The following MAPK12 variants were observed in gnomAD, a reference collection of about 807,000 sequenced individuals.
MAPK12 encodes the protein mitogen-activated protein kinase 12, also known as MAP kinase 12.
MAPK12 carries 49 observed loss-of-function variants against 49.1 expected under a neutral mutation model. That is an observed-to-expected ratio of 1.00 (90% CI 0.79 to 1.27). The LOEUF is 1.27. Among genes scored for constraint, MAPK12 ranks in the 50% most tolerant of loss-of-function variants. MAPK12 has a pLI of 0.00. For synonymous variants in MAPK12, 251 were observed against 209.7 expected (o/e 1.20, Z -1.70); for missense variants, 554 against 502.4 (o/e 1.10, Z -0.98).
In MAPK12 at chr22:50,255,701, C is replaced by A. The variant is rs1012182941; in HGVS notation, c.692-7G>T. ...TCCTTCAGCTGGTCCAGGTCTGCAC[C>A]GAGGTCAGGAACACAGCTCGGGGGC... On this transcript the variant is annotated splice_region_variant and splice_polypyrimidine_tract_variant and intron_variant, in intron 8 of 11. Transcript: ENST00000215659. 6.2e-7 allele frequency: 1 copy of A among 1,609,806 alleles called. No individual in the cohort carries two copies. Among genetic ancestry groups the A allele is most frequent in the East Asian group, 2.2e-5 (1 of 44,882 alleles).
At chr22:50,258,207 C>A in intron 3 of MAPK12, 36 bp downstream of exon 3, 2 of 1,608,010 alleles carry the variant, frequency 1.2e-6, no homozygotes, top group Non-Finnish European at 1.7e-6. Context: ...GCCCAACACC[C>A]CTCGTGCCCA....
Position 50,256,654 on chromosome 22 carries a change from C to CAG in MAPK12, c.457-10_457-9dup. The CAG allele has an allele frequency of 1.2e-6, 2 of 1,609,248 alleles. No individual in the cohort carries two copies. The highest frequency in any genetic ancestry group is 1.7e-6 in the Non-Finnish European group (2 of 1,177,852). The stretch of plus-strand genomic sequence containing the variant: ...GTTGCCGGGCTTCAGGTCCTGGGGG[C>CAG]AGAGGAAAGGTGGCCACTGTGCCCC... On this transcript the variant is annotated splice_polypyrimidine_tract_variant and intron_variant, in intron 5 of 11. Transcript: ENST00000215659.
intron 3 of MAPK12, chr22:50,257,664 G>A (rs2065164146): frequency 1.7e-6 from 1 of 589,816 alleles, no homozygotes; most frequent in African/African-American, 1.9e-5. Context: ...GGGTCGGCTG[G>A]GCCGGTGGAG....
chr22:50,260,989 G>A, intron 2 of MAPK12, 178 bp downstream of exon 2: 1 of 670,462 alleles, frequency 1.5e-6, no homozygotes, highest in South Asian at 2.3e-5. Flanking sequence ...CCTTGGGGGA[G>A]TCGTCTCCCA....
intron 2 of MAPK12, among the ~76,000 whole-genome samples, chr22:50,259,075 G>A (rs1010082193): frequency 5.9e-5 from 9 of 152,206 alleles, no homozygotes; most frequent in African/African-American, 1.4e-4. Context: ...CCCAAGAGAC[G>A]GGGACGATTT....
chr22:50,257,528 G>A, intron 3 of MAPK12: 1 of 522,174 alleles, frequency 1.9e-6, no homozygotes, highest in Non-Finnish European at 3.5e-6. Context: ...CATGGTAGAG[G>A]CAGCAGGACT....
At chr22:50,257,343 G>C in intron 3 of MAPK12, 150 bp from the exon 4 acceptor site, 4 of 639,626 alleles carry the variant, frequency 6.3e-6, no homozygotes, top group Non-Finnish European at 1.1e-5. Context: ...ACTGGCCTCG[G>C]TGTCCTCGCA....
Position 50,255,223 on chromosome 22 carries a change from A to G in MAPK12, c.998T>C (p.Val333Ala), listed in dbSNP as rs769765600. The change falls in exon 11 of 12, where the codon GTT (valine) becomes GCT (alanine). Residue 333 changes from valine (V) to alanine (A), a missense_variant. By Grantham distance (64) the Val-to-Ala change is moderately conservative. Coordinates refer to ENST00000215659, the MANE Select transcript of MAPK12 (RefSeq NM_002969.6). Reference protein sequence around the residue: ...VQKYDDSFDDVDRTLDEWKRV... With the variant: ...VQKYDDSFDDADRTLDEWKRV... ...CTTCCATTCATCCAGTGTGCGGTCA[A>G]CGTCGTCAAAGGAGTCATCATACTT... The G allele has an allele frequency of 1.1e-5, 18 of 1,613,748 alleles. 1 individual carries two copies. In the South Asian group the frequency reaches 1.8e-4, roughly 16 times the overall value.
Position 50,258,276 on chromosome 22 carries a change from G to A in MAPK12, c.281C>T (p.Thr94Ile), listed in dbSNP as rs761799075. The change falls in exon 3 of 12, where the codon ACT becomes ATT. Residue 94 changes from threonine (T) to isoleucine (I), a missense_variant. By Grantham distance (89) the Thr-to-Ile change is moderately conservative (BLOSUM62 -1). Transcript: ENST00000215659. ...GAAGTCATCCAGGGTCTCATCAGGA[G>A]TGAATACGTCCAGCAGCCCGATCAC... ...ENVIGLLDVF[T>I]PDETLDDFTD... The A allele has an allele frequency of 4.3e-6, 7 of 1,613,038 alleles. No individual in the cohort carries two copies. In the East Asian group the frequency reaches 1.6e-4, roughly 36 times the overall value.
At chr22:50,256,340 C>G in intron 6 of MAPK12, 141 bp from the exon 7 acceptor site, 1 of 737,578 alleles carries the variant, frequency 1.4e-6, no homozygotes. Context: ...CTTGAGGCCA[C>G]GCCCTCGGAC....
intron 3 of MAPK12, chr22:50,257,814 C>G: frequency 1.4e-6 from 1 of 717,032 alleles, no homozygotes; most frequent in Non-Finnish European, 2.6e-6. Flanking sequence ...GGTGTGAGTC[C>G]CAGGGTGGTC....
chr22:50,260,455 C>T (rs1245558015), intron 2 of MAPK12, among the ~76,000 whole-genome samples: 2 of 152,070 alleles, frequency 1.3e-5, no homozygotes, highest in South Asian at 2.1e-4. Context: ...CCAGAGCACC[C>T]CTGGCAGAGA....
Position 50,261,180 on chromosome 22 carries a change from A to G in MAPK12, c.242T>C (p.Met81Thr). The part of the protein sequence containing the change: ...AYRELRLLKH[M>T]RHENVIGLLD... The stretch of plus-strand genomic sequence containing the variant: ...CGCGCGACTCACGTTCTCGTGGCGC[A>G]TGTGCTTGAGCAGGCGCAGCTCGCG... Residue 81 changes from methionine (M) to threonine (T), a missense_variant, in exon 2 of 12, where the codon ATG (methionine) becomes ACG (threonine). By Grantham distance (81) the Met-to-Thr change is moderately conservative. Coordinates refer to ENST00000215659, the MANE Select transcript of MAPK12 (RefSeq NM_002969.6). 6.3e-7 allele frequency: 1 copy of G among 1,591,064 alleles called. No individual in the cohort carries two copies. Among genetic ancestry groups the G allele is most frequent in the Non-Finnish European group, 8.6e-7 (1 of 1,169,550 alleles).
rs748227933 is a variant in MAPK12, at chr22:50,261,231, G to A, written c.191C>T (p.Ser64Phe). 5.7e-6 allele frequency: 9 copies of A among 1,585,812 alleles called. 1 individual carries two copies. The South Asian group carries it at 6.9e-5, about 12-fold the overall frequency. Residue 64 changes from serine (S) to phenylalanine (F), a missense_variant, in exon 2 of 12, where the codon TCC (serine) becomes TTC (phenylalanine). Ser to Phe is a radical substitution (Grantham distance 155). Transcript: ENST00000215659. ...GTAGGCGCGCTTGGCGAACAGCTCG[G>A]ACTGGAAAGGCCGATACAGCTTCTT... is the stretch of plus-strand genomic sequence containing the variant. ...AIKKLYRPFQ[S>F]ELFAKRAYRE...
chr22:50,259,815 C>A (rs1185415059), intron 2 of MAPK12, among the ~76,000 whole-genome samples: 2 of 151,522 alleles, frequency 1.3e-5, no homozygotes. Flanking sequence ...ACCCAGGACG[C>A]GAAGGTTGCA....
intron 3 of MAPK12, chr22:50,257,875 C>T (rs756168504): frequency 3.4e-5 from 26 of 762,806 alleles, no homozygotes; most frequent in South Asian, 7.0e-5. Flanking sequence ...CTCCCCCACC[C>T]GCTGGAAAAG....
At chr22:50,254,770 C>A in intron 11 of MAPK12, 1 of 1,124,218 alleles carries the variant, frequency 8.9e-7, no homozygotes, top group Non-Finnish European at 1.1e-6. Context: ...CTGGCCTGGA[C>A]ATGGCGGAAG....
At position 50,256,098 on chromosome 22, in the gene MAPK12, G is replaced by A; in HGVS notation, c.606C>T (p.Arg202=). 4 of 1,612,434 alleles carry A rather than the reference G, an allele frequency of 2.5e-6. No homozygotes were observed. The highest frequency in any genetic ancestry group is 3.4e-6 in the Non-Finnish European group (4 of 1,179,732). The part of the protein sequence containing the change: ...RAPEVILNWM[R]YTQTVDIWSV... ...GCAGCTTCTCACCCGTCTGCGTGTAGCGCATCCAATTCAAGATGACCTCGG... is the reference window on the plus strand; with the variant it reads ...GCAGCTTCTCACCCGTCTGCGTGTAACGCATCCAATTCAAGATGACCTCGG... The change falls in exon 7 of 12, where the codon CGC becomes CGT. Residue 202 remains arginine (R), a synonymous_variant. Coordinates refer to ENST00000215659, the MANE Select transcript of MAPK12 (RefSeq NM_002969.6).
chr22:50,257,993 A>C (rs897269702), intron 3 of MAPK12: 5 of 746,978 alleles, frequency 6.7e-6, no homozygotes, highest in Non-Finnish European at 1.2e-5. Flanking sequence ...GGTGCTGGAG[A>C]GGGCCCAGGT....
Sources: allele counts gnomAD v4.1 joint callset (sites outside exome capture counted in the v4.1 genomes callset), GRCh38; gene constraint gnomAD v4.1.1; transcripts MANE v1.5; gene names NCBI Gene and HGNC (gene_info 2026-07-23, HGNC 2026-07-21).